Variants in ASTN2 observed in about 807,000 individuals in gnomAD.
ASTN2 encodes astrotactin 2.
A neutral mutation model predicts 139.8 loss-of-function variants in ASTN2; 54 were observed. The ratio of observed to expected loss-of-function variants is 0.39; its 90% confidence interval spans 0.31 to 0.48. The LOEUF is 0.48. Among genes scored for constraint, ASTN2 ranks in the 20% least tolerant of loss-of-function variants. The pLI is 0.95. For missense variants in ASTN2, 1,565 were observed against 1,725.1 expected, an observed-to-expected ratio of 0.91 and a Z score of 1.64; for synonymous variants, 756 against 719.5, an observed-to-expected ratio of 1.05 and a Z score of -0.81.
chr9:116,532,312 G>A (rs1450404273), intron 19 of ASTN2, among the ~76,000 whole-genome samples: 1 of 152,176 alleles, frequency 6.6e-6, no homozygotes, highest in Non-Finnish European at 1.5e-5. Flanking sequence ...TCTGTAGGTT[G>A]CTTGTTCACT....
chr9:116,676,576 G>A (rs1017599899), intron 16 of ASTN2, among the ~76,000 whole-genome samples: 7 of 152,136 alleles, frequency 4.6e-5, no homozygotes, highest in Non-Finnish European at 7.4e-5. Context: ...ACTTTCTTTT[G>A]GTTTGCACTA....
intron 16 of ASTN2, chr9:116,686,691 G>A (rs1240071523): frequency 2.6e-6 from 4 of 1,550,266 alleles, no homozygotes; most frequent in East Asian, 2.4e-5. Context: ...TTGGGTTCCC[G>A]GGTACCTTCA....
intron 16 of ASTN2, among the ~76,000 whole-genome samples, chr9:116,717,689 G>A (rs1325850168): frequency 6.6e-6 from 1 of 152,162 alleles, no homozygotes; most frequent in Non-Finnish European, 1.5e-5. Context: ...CTGGGGTCAA[G>A]CAGCTAGGAA....
chr9:116,913,289 C>G (rs904282549), intron 10 of ASTN2, among the ~76,000 whole-genome samples: 2 of 152,220 alleles, frequency 1.3e-5, no homozygotes, highest in Non-Finnish European at 2.9e-5. Flanking sequence ...CTTTCCCTGA[C>G]ATACCTCTGG....
Position 116,919,096 on chromosome 9 carries a change from C to G in ASTN2, c.1890-55363G>C, listed in dbSNP as rs540916452. On this transcript the variant is annotated intron_variant, in intron 10 of 22. Transcript: ENST00000313400. Reference sequence around the variant, plus strand: ...TGGGCTTCCCACAGAGGATGTTTTGCGATTGTACTCACCAAGTGTGCTATG... The same window carrying G: ...TGGGCTTCCCACAGAGGATGTTTTGGGATTGTACTCACCAAGTGTGCTATG... 3.3e-5 allele frequency among the ~76,000 whole-genome samples: 5 copies of G among 152,072 alleles called. 1 individual carries two copies. The South Asian group carries it at 1.0e-3, about 32-fold the overall frequency.
intron 1 of ASTN2, among the ~76,000 whole-genome samples, chr9:117,369,964 T>A (rs1329381608): frequency 6.6e-6 from 1 of 152,094 alleles, no homozygotes; most frequent in Admixed American, 6.5e-5. Flanking sequence ...TAAAAAAAAA[T>A]TCATATTTGT....
intron 2 of ASTN2, among the ~76,000 whole-genome samples, chr9:117,228,557 A>G (rs1440271713): frequency 1.3e-5 from 2 of 152,076 alleles, no homozygotes; most frequent in African/African-American, 2.4e-5. Context: ...ATGCCCATCA[A>G]TGAGAAGGGA....
At chr9:117,145,306 G>A (rs2132867153) in intron 3 of ASTN2, among the ~76,000 whole-genome samples, 1 of 152,226 alleles carries the variant, frequency 6.6e-6, no homozygotes, top group Admixed American at 6.5e-5. Flanking sequence ...CTTCTGTGCT[G>A]GCAGAGCAGA....
At chr9:116,800,612 G>A (rs765106419) in intron 13 of ASTN2, among the ~76,000 whole-genome samples, 1 of 152,188 alleles carries the variant, frequency 6.6e-6, no homozygotes, top group African/African-American at 2.4e-5. Flanking sequence ...AACAGGGATA[G>A]AACACATGGC....
intron 19 of ASTN2, among the ~76,000 whole-genome samples, chr9:116,509,115 C>A (rs559183845): frequency 6.6e-6 from 1 of 152,090 alleles, no homozygotes; most frequent in Non-Finnish European, 1.5e-5. Context: ...CCCATTAACT[C>A]GTCATTTACA....
At chr9:116,529,807 C>T (rs1380762601) in intron 19 of ASTN2, among the ~76,000 whole-genome samples, 1 of 151,934 alleles carries the variant, frequency 6.6e-6, no homozygotes, top group Non-Finnish European at 1.5e-5. Flanking sequence ...CCATGTAAGA[C>T]ATGTCCTGCT....
intron 1 of ASTN2, among the ~76,000 whole-genome samples, chr9:117,335,068 CAAAAT>C (rs569084024): frequency 1.5e-3 from 222 of 152,182 alleles, no homozygotes; most frequent in African/African-American, 4.7e-3. Context: ...AAACATAAAA[CAAAAT>C]AAAATAAAGT....
intron 10 of ASTN2, among the ~76,000 whole-genome samples, chr9:116,958,075 G>A (rs1208028333): frequency 1.3e-5 from 2 of 152,194 alleles, no homozygotes; most frequent in African/African-American, 4.8e-5. Flanking sequence ...GATTTGTGAT[G>A]TTAACTTTGG....
intron 10 of ASTN2, among the ~76,000 whole-genome samples, chr9:116,899,555 C>T (rs1833958260): frequency 6.6e-6 from 1 of 152,168 alleles, no homozygotes; most frequent in African/African-American, 2.4e-5. Flanking sequence ...AGATATCTGA[C>T]ATAACCAACT....
chr9:116,789,398 T>C lies in ASTN2; in HGVS notation c.2396+16234A>G, dbSNP rs560911735. 2.6e-5 allele frequency among the ~76,000 whole-genome samples: 4 copies of C among 152,344 alleles called. No homozygotes were observed. The South Asian group carries it at 8.3e-4, about 32-fold the overall frequency. The stretch of plus-strand genomic sequence containing the variant: ...GCCTGCTAATTAACTGTCCACTTAA[T>C]GGGCTCCTCTGAGGATCTCAGGCAA... On this transcript the variant is annotated intron_variant, in intron 13 of 22. Coordinates refer to ENST00000313400, the MANE Select transcript of ASTN2 (RefSeq NM_001365068.1).
At chr9:116,952,881 C>T (rs953562215) in intron 10 of ASTN2, among the ~76,000 whole-genome samples, 3 of 152,174 alleles carry the variant, frequency 2.0e-5, no homozygotes, top group Non-Finnish European at 2.9e-5. Context: ...AAACAAGGGA[C>T]ATTTGTGCTG....
At chr9:116,499,205 A>G (rs560169825) in intron 19 of ASTN2, among the ~76,000 whole-genome samples, 5 of 152,258 alleles carry the variant, frequency 3.3e-5, no homozygotes, top group African/African-American at 1.2e-4. Flanking sequence ...GCTTTTTATT[A>G]CTAAAATATT....
chr9:117,052,705 GCC>G (rs1232992277), intron 5 of ASTN2, among the ~76,000 whole-genome samples: 1 of 152,184 alleles, frequency 6.6e-6, no homozygotes, highest in African/African-American at 2.4e-5. Flanking sequence ...TATATGCGAA[GCC>G]TCTGCTGGGT....
intron 17 of ASTN2, among the ~76,000 whole-genome samples, chr9:116,641,420 T>C (rs1029545523): frequency 3.3e-5 from 5 of 152,144 alleles, no homozygotes; most frequent in Non-Finnish European, 5.9e-5. Flanking sequence ...ATTTAGCTTC[T>C]CCATGCCTCA....
Sources: gnomAD v4.1 joint callset for allele counts (sites outside exome capture counted in the v4.1 genomes callset) on GRCh38, gnomAD v4.1.1 for gene constraint, MANE v1.5 for transcripts, NCBI Gene and HGNC (gene_info 2026-07-23, HGNC 2026-07-21) for gene names.